CELF4: variants seen among roughly 807,000 people sequenced by gnomAD.
The protein encoded by CELF4 is CUGBP Elav-like family member 4.
A neutral mutation model predicts 59.9 loss-of-function variants in CELF4; 18 were observed. The observed-to-expected ratio is 0.30, with a 90% CI of 0.21 to 0.45. CELF4 has a LOEUF of 0.45. CELF4 is among the 20% of genes least tolerant of loss of function. The pLI, the probability that CELF4 is intolerant of heterozygous loss-of-function variation, is 1.00. For synonymous variants in CELF4, 261 were observed against 267.1 expected, an observed-to-expected ratio of 0.98 and a Z score of 0.22; for missense variants, 456 against 689.0, an observed-to-expected ratio of 0.66 and a Z score of 3.79.
At chr18:37,275,084 G>A (rs1274764134) in intron 4 of CELF4, 31 bp downstream of exon 4, 2 of 1,608,678 alleles carry the variant, frequency 1.2e-6, no homozygotes, top group Non-Finnish European at 8.5e-7. Flanking sequence ...CCCTCCCTCC[G>A]GGGCATCCCT....
intron 2 of CELF4, among the ~76,000 whole-genome samples, chr18:37,383,136 G>A (rs1258580127): frequency 6.6e-6 from 1 of 152,124 alleles, no homozygotes; most frequent in Non-Finnish European, 1.5e-5. Context: ...CCATCCTCTG[G>A]CCTTGCAAAG....
At chr18:37,457,246 C>T (rs1418684149) in intron 2 of CELF4, among the ~76,000 whole-genome samples, 1 of 152,182 alleles carries the variant, frequency 6.6e-6, no homozygotes, top group Non-Finnish European at 1.5e-5. Context: ...CAGGAGACAC[C>T]AGCGGCTGAT....
chr18:37,483,323 G>A (rs28589422), intron 2 of CELF4, among the ~76,000 whole-genome samples: 11,991 of 152,166 alleles, frequency 0.079, 516 homozygotes, highest in East Asian at 0.12. Context: ...ATGTGCCCTC[G>A]GAACTTCGAG....
At chr18:37,302,041 T>A (rs772103624) in intron 3 of CELF4, among the ~76,000 whole-genome samples, 1 of 152,220 alleles carries the variant, frequency 6.6e-6, no homozygotes, top group African/African-American at 2.4e-5. Context: ...TTGAACAGCA[T>A]GCAAACCACT....
At chr18:37,511,090 A>G (rs2099943794) in intron 1 of CELF4, among the ~76,000 whole-genome samples, 1 of 152,198 alleles carries the variant, frequency 6.6e-6, no homozygotes, top group African/African-American at 2.4e-5. Context: ...TTGTTAAAAG[A>G]TTGAATGATG....
intron 2 of CELF4, among the ~76,000 whole-genome samples, chr18:37,405,370 G>A (rs2099375738): frequency 6.6e-6 from 1 of 152,106 alleles, no homozygotes; most frequent in Non-Finnish European, 1.5e-5. Flanking sequence ...TGCACCCAAG[G>A]TGTGCTCTGC....
chr18:37,252,743 T>A (rs1204914526), intron 12 of CELF4, among the ~76,000 whole-genome samples: 1 of 150,448 alleles, frequency 6.6e-6, no homozygotes, highest in Non-Finnish European at 1.5e-5. Flanking sequence ...TATTCTTTGA[T>A]CACACGTCAT....
chr18:37,333,827 T>C (rs2154538371), intron 2 of CELF4, among the ~76,000 whole-genome samples: 1 of 152,074 alleles, frequency 6.6e-6, no homozygotes, highest in East Asian at 1.9e-4. Flanking sequence ...CATCCATCCA[T>C]CCAGTGTTTA....
intron 1 of CELF4, among the ~76,000 whole-genome samples, chr18:37,546,044 C>G (rs908720078): frequency 3.3e-5 from 5 of 152,184 alleles, no homozygotes; most frequent in Non-Finnish European, 5.9e-5. Flanking sequence ...CTACAACTGG[C>G]CAGAGGCCCC....
At chr18:37,565,172 T>A (rs529705705) in intron 1 of CELF4, among the ~76,000 whole-genome samples, 184 bp downstream of exon 1, 2 of 152,218 alleles carry the variant, frequency 1.3e-5, no homozygotes, top group East Asian at 3.9e-4. Flanking sequence ...AACCCAGTCT[T>A]GCCCCAGCGA....
chr18:37,281,179 C>T (rs1047962331), intron 3 of CELF4, among the ~76,000 whole-genome samples: 11 of 152,250 alleles, frequency 7.2e-5, no homozygotes, highest in Admixed American at 6.5e-4. Flanking sequence ...GCCTTCTCTG[C>T]TGCCCCACCC....
intron 2 of CELF4, among the ~76,000 whole-genome samples, chr18:37,391,519 TC>T (rs2099161539): frequency 6.6e-6 from 1 of 152,168 alleles, no homozygotes; most frequent in African/African-American, 2.4e-5. Flanking sequence ...GGTCCTGTCT[TC>T]CGGGCTGGGC....
At chr18:37,257,358 T>C (rs1034295716) in intron 11 of CELF4, among the ~76,000 whole-genome samples, 5 of 152,208 alleles carry the variant, frequency 3.3e-5, no homozygotes, top group African/African-American at 9.7e-5. Context: ...GCTTGTTGTT[T>C]TTACATACAT....
chr18:37,298,223 C>A (rs1222468456), intron 3 of CELF4, among the ~76,000 whole-genome samples: 1 of 152,184 alleles, frequency 6.6e-6, no homozygotes, highest in East Asian at 1.9e-4. Flanking sequence ...CAAGGATCTG[C>A]AGATGCTGGT....
At chr18:37,403,299 C>T (rs1202073871) in intron 2 of CELF4, among the ~76,000 whole-genome samples, 2 of 152,160 alleles carry the variant, frequency 1.3e-5, no homozygotes, top group African/African-American at 2.4e-5. Flanking sequence ...GTCTCCCTGC[C>T]CCCCTCCATA....
intron 2 of CELF4, among the ~76,000 whole-genome samples, chr18:37,391,963 G>C (rs2099167119): frequency 1.3e-5 from 2 of 152,212 alleles, no homozygotes; most frequent in South Asian, 4.1e-4. Context: ...GGCACAATTG[G>C]TCCCAGGGTG....
At chr18:37,510,710 T>G (rs1175565965) in intron 1 of CELF4, among the ~76,000 whole-genome samples, 1 of 144,082 alleles carries the variant, frequency 6.9e-6, no homozygotes, top group East Asian at 2.1e-4. Context: ...TTCTCTGCCC[T>G]GGGCTTCTGT....
chr18:37,496,918 C>T (rs1040920589), intron 1 of CELF4, among the ~76,000 whole-genome samples: 12 of 152,152 alleles, frequency 7.9e-5, no homozygotes, highest in Admixed American at 5.9e-4. Flanking sequence ...TCCAGAGGGG[C>T]CCTAAGGAAG....
At chr18:37,360,661 C>T (rs1393253318) in intron 2 of CELF4, among the ~76,000 whole-genome samples, 4 of 152,332 alleles carry the variant, frequency 2.6e-5, no homozygotes, top group Admixed American at 1.3e-4. Context: ...CAGGGCTATA[C>T]TCTTCATGCC....
Sources: allele counts gnomAD v4.1 joint callset (sites outside exome capture counted in the v4.1 genomes callset), GRCh38; gene constraint gnomAD v4.1.1; transcripts MANE v1.5; gene names NCBI Gene and HGNC (gene_info 2026-07-23, HGNC 2026-07-21).